The following PAQR3 variants were observed in gnomAD, a reference collection of about 807,000 sequenced individuals.
The protein encoded by PAQR3 is Raf kinase trapping to Golgi.
A neutral mutation model predicts 41.7 loss-of-function variants in PAQR3; 39 were observed. The observed-to-expected ratio is 0.93, with a 90% CI of 0.72 to 1.22. The LOEUF (loss-of-function observed/expected upper bound fraction) is 1.22, where lower values mean the gene tolerates loss of function less well. Among genes scored for constraint, PAQR3 ranks in the 50% most tolerant of loss-of-function variants. The probability of loss-of-function intolerance (pLI) is 0.00; values close to 1 mark genes in which losing one functional copy is unlikely to be tolerated. For missense variants in PAQR3, 366 were observed against 385.6 expected, an observed-to-expected ratio of 0.95 and a Z score of 0.42; for synonymous variants, 140 against 140.6, an observed-to-expected ratio of 1.00 and a Z score of 0.03.
chr4:78,926,237 A>G (rs968492671), intron 4 of PAQR3, among the ~76,000 whole-genome samples: 1 of 152,198 alleles, frequency 6.6e-6, no homozygotes, highest in Non-Finnish European at 1.5e-5. Flanking sequence ...TCCTCCACAA[A>G]TAAGGACTTG....
chr4:78,910,789 C>T (rs1021174449), downstream of PAQR3: 8 of 1,613,730 alleles, frequency 5.0e-6, no homozygotes, highest in Non-Finnish European at 5.1e-6. Flanking sequence ...TGAATCAGAT[C>T]CCCCTTCTCC....
Position 78,912,164 on chromosome 4 carries a change from A to T in PAQR3, c.*8375T>A. On this transcript the variant is annotated 3_prime_UTR_variant, in exon 6 of 6. Transcript: ENST00000512733. ...AGATCAGTCAGAATAGGTGATTTCT[A>T]AATAAACCAAATAGAAGAATGAAGT... 2 of 791,022 alleles carry T rather than the reference A, an allele frequency of 2.5e-6. No individual in the cohort carries two copies. Among genetic ancestry groups the T allele is most frequent in the Non-Finnish European group, 4.1e-6 (2 of 489,936 alleles). The allele number at this position is 791,022 out of a possible 1,614,324, so 49.0% of individuals were successfully genotyped here.
At chr4:78,926,119 C>T (rs1736191140) in intron 4 of PAQR3, among the ~76,000 whole-genome samples, 1 of 152,142 alleles carries the variant, frequency 6.6e-6, no homozygotes, top group Non-Finnish European at 1.5e-5. Flanking sequence ...AAAAATCCTT[C>T]CCAACCTCCC....
downstream of PAQR3, chr4:78,911,375 C>T (rs750388426): frequency 2.7e-5 from 44 of 1,613,844 alleles, no homozygotes; most frequent in Admixed American, 7.3e-4. Flanking sequence ...TTCCTCACAT[C>T]AACAAGTAAA....
At chr4:78,934,629 G>A (rs367742701) in intron 2 of PAQR3, among the ~76,000 whole-genome samples, 10 of 152,236 alleles carry the variant, frequency 6.6e-5, no homozygotes, top group East Asian at 3.9e-4. Context: ...AAGAAACAAC[G>A]TATTTGAAGC....
intron 11 of PAQR3, among the ~76,000 whole-genome samples, chr4:78,893,963 C>T (rs1414705471): frequency 6.6e-6 from 1 of 152,152 alleles, no homozygotes; most frequent in Non-Finnish European, 1.5e-5. Flanking sequence ...TTGTACTTCT[C>T]CATCAGAGCT....
downstream of PAQR3, among the ~76,000 whole-genome samples, chr4:78,909,966 G>A (rs1206104004): frequency 2.6e-5 from 4 of 152,056 alleles, no homozygotes; most frequent in Admixed American, 6.6e-5. Context: ...AAGGAATCTC[G>A]CTTTTTTAAT....
chr4:78,925,006 T>C (rs1391974117), intron 4 of PAQR3, among the ~76,000 whole-genome samples: 1 of 152,136 alleles, frequency 6.6e-6, no homozygotes, highest in Admixed American at 6.6e-5. Context: ...CCAGAACTTT[T>C]TAACTTTGTT....
chr4:78,910,877 C>T (rs374485594), downstream of PAQR3: 24 of 1,613,806 alleles, frequency 1.5e-5, no homozygotes, highest in Non-Finnish European at 1.9e-5. Flanking sequence ...GATGATGATA[C>T]TGAACCAGAA....
In PAQR3 at chr4:78,920,285, T is replaced by C; in HGVS notation, c.*254A>G. The C allele has an allele frequency of 1.8e-6, 2 of 1,138,964 alleles. No homozygotes were observed. The highest frequency in any genetic ancestry group is 8.2e-5 in the South Asian group (2 of 24,302). 70.6% of individuals were successfully genotyped at this position (1,138,964 alleles called of 1,614,324 possible). On this transcript the variant is annotated 3_prime_UTR_variant, in exon 6 of 6. Coordinates refer to ENST00000512733, the MANE Select transcript of PAQR3 (RefSeq NM_001040202.2). ...AACACTAGTTTCCCATTCATCGTTGTTATTCAGATGTTTCTTATGATTGCC... is the reference window on the plus strand; with the variant it reads ...AACACTAGTTTCCCATTCATCGTTGCTATTCAGATGTTTCTTATGATTGCC...
At chr4:78,926,138 C>G (rs530606749) in intron 4 of PAQR3, among the ~76,000 whole-genome samples, 1 of 152,294 alleles carries the variant, frequency 6.6e-6, no homozygotes, top group South Asian at 2.1e-4. Context: ...CCTTCACCCC[C>G]TAAAAGATCA....
chr4:78,915,805 T>G lies in PAQR3; in HGVS notation c.*4734A>C, dbSNP rs1055202675. On this transcript the variant is annotated 3_prime_UTR_variant, in exon 6 of 6. Coordinates refer to ENST00000512733, the MANE Select transcript of PAQR3 (RefSeq NM_001040202.2). ...TGCAAAGGGTCATGATTTGGGGTTA[T>G]TTTTGTTTTATTTTAAAATTTATAC... 2 of 151,912 alleles carry G rather than the reference T, an allele frequency of 1.3e-5. No homozygotes were observed. The highest frequency in any genetic ancestry group is 2.9e-5 in the Non-Finnish European group (2 of 67,874). 9.4% of individuals were successfully genotyped at this position (151,912 alleles called of 1,614,324 possible). A position where few individuals can be genotyped will look rare whatever the true frequency, so the allele number is the denominator to read the frequency against.
In PAQR3 at chr4:78,919,567, A is replaced by G. The variant is rs996200800; in HGVS notation, c.*972T>C. On this transcript the variant is annotated 3_prime_UTR_variant, in exon 6 of 6. Coordinates refer to ENST00000512733, the MANE Select transcript of PAQR3 (RefSeq NM_001040202.2). ...GATTATTATCAAATGGGGCATCTGC[A>G]TGACTTTGTTCTAAGGCTTAAGGTT... is the stretch of plus-strand genomic sequence containing the variant. 7 of 985,042 alleles carry G rather than the reference A, an allele frequency of 7.1e-6. No individual in the cohort carries two copies. The Admixed American group carries it at 1.9e-4, about 26-fold the overall frequency. The allele number at this position is 985,042 out of a possible 1,614,324, so 61.0% of individuals were successfully genotyped here. A position where few individuals can be genotyped will look rare whatever the true frequency, so the allele number is the denominator to read the frequency against.
chr4:78,897,471 CTA>C (rs1250821828), intron 11 of PAQR3, among the ~76,000 whole-genome samples: 2 of 151,938 alleles, frequency 1.3e-5, no homozygotes, highest in African/African-American at 2.4e-5. Flanking sequence ...GAAAAATTAA[CTA>C]TATCATAAAA....
intron 11 of PAQR3, among the ~76,000 whole-genome samples, chr4:78,905,092 ATCTAT>A (rs1278447492): frequency 6.6e-6 from 1 of 151,792 alleles, no homozygotes; most frequent in Admixed American, 6.6e-5. Flanking sequence ...GTTTTGACTA[ATCTAT>A]TGGTTCATTC....
Position 78,913,465 on chromosome 4 carries a change from T to G in PAQR3, c.*7074A>C, listed in dbSNP as rs544173893. 4.6e-5 allele frequency: 7 copies of G among 152,174 alleles called. No homozygotes were observed. Among genetic ancestry groups the G allele is most frequent in the African/African-American group, 1.7e-4 (7 of 41,444 alleles). 9.4% of individuals were successfully genotyped at this position (152,174 alleles called of 1,614,324 possible). On this transcript the variant is annotated 3_prime_UTR_variant, in exon 6 of 6. Transcript: ENST00000512733. ...TCCTGTGTCTATGACTATTTTAAGA[T>G]ATAATTGTGCTGCGCTATCAGATTA...
In PAQR3 at chr4:78,920,657, C is replaced by T. The variant is rs1174384439; in HGVS notation, c.818G>A (p.Ser273Asn). ...TGCAAGGATATGCCATATTTGGTGG[C>T]TTGATCCGAGGTAGTTTAGTTGTCC... ...FPGQLNYLGS[S>N]HQIWHILAVV... The change falls in exon 6 of 6, where the codon AGC becomes AAC. Residue 273 changes from serine to asparagine, a missense_variant. Physicochemically the swap from Ser to Asn is conservative, Grantham distance 46. Coordinates refer to ENST00000512733, the MANE Select transcript of PAQR3 (RefSeq NM_001040202.2). 2.5e-6 allele frequency: 4 copies of T among 1,608,740 alleles called. No homozygotes were observed. The highest frequency in any genetic ancestry group is 3.4e-6 in the Non-Finnish European group (4 of 1,177,034).
Position 78,917,212 on chromosome 4 carries a change from A to T in PAQR3, c.*3327T>A, listed in dbSNP as rs1214309906. Reference sequence around the variant, plus strand: ...CAAGCATCATATGTAACATGTAGTTAATATTCTCATATTGAAAGCTTGAGC... The same window carrying T: ...CAAGCATCATATGTAACATGTAGTTTATATTCTCATATTGAAAGCTTGAGC... On this transcript the variant is annotated 3_prime_UTR_variant, in exon 6 of 6. Coordinates refer to ENST00000512733, the MANE Select transcript of PAQR3 (RefSeq NM_001040202.2). 6.6e-6 allele frequency: 1 copy of T among 151,968 alleles called. No homozygotes were observed. Among genetic ancestry groups the T allele is most frequent in the Non-Finnish European group, 1.5e-5 (1 of 67,886 alleles). 9.4% of individuals were successfully genotyped at this position (151,968 alleles called of 1,614,324 possible).
At position 78,918,989 on chromosome 4, in the gene PAQR3, G is replaced by T; in HGVS notation, c.*1550C>A. On this transcript the variant is annotated 3_prime_UTR_variant, in exon 6 of 6. Coordinates refer to ENST00000512733, the MANE Select transcript of PAQR3 (RefSeq NM_001040202.2). Reference sequence around the variant, plus strand: ...AAAGCAGCCTTCCATCATAACGATGGGTAAGACACGGTATTCCTTTACTGA... The same window carrying T: ...AAAGCAGCCTTCCATCATAACGATGTGTAAGACACGGTATTCCTTTACTGA... 5 of 984,818 alleles carry T rather than the reference G, an allele frequency of 5.1e-6. No individual in the cohort carries two copies. Among genetic ancestry groups the T allele is most frequent in the Non-Finnish European group, 6.0e-6 (5 of 829,606 alleles). The allele number at this position is 984,818 out of a possible 1,614,324, so 61.0% of individuals were successfully genotyped here.
Sources: allele counts gnomAD v4.1 joint callset (sites outside exome capture counted in the v4.1 genomes callset), GRCh38; gene constraint gnomAD v4.1.1; transcripts MANE v1.5; gene names NCBI Gene and HGNC (gene_info 2026-07-23, HGNC 2026-07-21).